AKAP13: variants seen among roughly 807,000 people sequenced by gnomAD.
The protein encoded by AKAP13 is A-kinase anchor protein 13.
In AKAP13, 80 loss-of-function variants were observed where a neutral mutation model predicts 264.5. The observed-to-expected ratio is 0.30, with a 90% CI of 0.25 to 0.36. AKAP13 has a LOEUF of 0.36. Among genes scored for constraint, AKAP13 ranks in the 10% least tolerant of loss-of-function variants. AKAP13 has a pLI of 1.00. For synonymous variants in AKAP13, 1,380 were observed against 1,250.2 expected (o/e 1.10, Z -2.19); for missense variants, 3,712 against 3,435.2 (o/e 1.08, Z -2.01).
intron 2 of AKAP13, among the ~76,000 whole-genome samples, chr15:85,504,876 TCTCTTGCTCTCTCG>T (rs991545039): frequency 1.3e-5 from 2 of 152,074 alleles, no homozygotes; most frequent in African/African-American, 4.8e-5. Flanking sequence ...TCGCTCTCTC[TCTCTTGCTCTCTCG>T]CTCTTGCTCT....
At chr15:85,400,874 ATTTTTTT>A (rs55704204) in intron 1 of AKAP13, among the ~76,000 whole-genome samples, 3 of 120,146 alleles carry the variant, frequency 2.5e-5, no homozygotes, top group African/African-American at 8.4e-5. Flanking sequence ...ATATATATAT[ATTTTTTT>A]TTTTTAAACA....
At position 85,447,738 on chromosome 15, in the gene AKAP13, A is replaced by G. The variant is rs142725020; in HGVS notation, c.-11-37972A>G. Reference sequence around the variant, plus strand: ...ATGGCTATGTAATATTTCAAGATGTATATGTACCACATTTTCTTTATCCAG... The same window carrying G: ...ATGGCTATGTAATATTTCAAGATGTGTATGTACCACATTTTCTTTATCCAG... On this transcript the variant is annotated intron_variant, in intron 1 of 36. Transcript: ENST00000394518. Among the ~76,000 whole-genome samples the G allele has an allele frequency of 2.5e-3, 380 of 152,318 alleles. 3 individuals are homozygous for G. The highest frequency in any genetic ancestry group is 8.7e-3 in the African/African-American group (361 of 41,564).
At chr15:85,736,421 T>TTTGTTTG (rs113137306) in intron 33 of AKAP13, among the ~76,000 whole-genome samples, 8 of 143,452 alleles carry the variant, frequency 5.6e-5, no homozygotes, top group African/African-American at 2.0e-4. Flanking sequence ...CTTGCTGTTT[T>TTTGTTTG]TTTGTTTGTT....
intron 1 of AKAP13, among the ~76,000 whole-genome samples, chr15:85,441,381 A>G (rs2073647271): frequency 6.6e-6 from 1 of 152,082 alleles, no homozygotes; most frequent in African/African-American, 2.4e-5. Context: ...TTCTTTATAT[A>G]TCCTGGATAT....
intron 12 of AKAP13, among the ~76,000 whole-genome samples, chr15:85,663,309 CAAA>C (rs11435393): frequency 2.2e-5 from 3 of 134,750 alleles, no homozygotes; most frequent in African/African-American, 2.8e-5. Context: ...GGCTCTGTCT[CAAA>C]AAAAAAAAAA....
At chr15:85,480,989 TCCTAA>T (rs2151044862) in intron 1 of AKAP13, 1 of 152,326 alleles carries the variant, frequency 6.6e-6, no homozygotes, top group South Asian at 2.1e-4. Flanking sequence ...ACCGCGTCTG[TCCTAA>T]GGAGACACAC....
chr15:85,399,680 C>T (rs1371687041), intron 1 of AKAP13, among the ~76,000 whole-genome samples: 4 of 151,928 alleles, frequency 2.6e-5, no homozygotes, highest in South Asian at 4.2e-4. Flanking sequence ...TCGTTACTGT[C>T]CTCTTAGGTG....
intron 8 of AKAP13, among the ~76,000 whole-genome samples, chr15:85,613,570 A>G (rs1361447399): frequency 6.6e-6 from 1 of 151,188 alleles, no homozygotes; most frequent in Non-Finnish European, 1.5e-5. Context: ...AGTCCCAGCT[A>G]CTCAGGAGGC....
At chr15:85,693,060 C>T (rs75331605) in intron 16 of AKAP13, 16 of 695,300 alleles carry the variant, frequency 2.3e-5, no homozygotes, top group South Asian at 9.2e-5. Context: ...AGAACTGTTC[C>T]GCCTGCCCAG....
rs1222979037 is a variant in AKAP13 at position 85,710,601 on chromosome 15, C to T, written c.5555C>T (p.Ala1852Val). The T allele has an allele frequency of 9.9e-6, 16 of 1,613,888 alleles. No individual in the cohort carries two copies. The highest frequency in any genetic ancestry group is 1.3e-5 in the Non-Finnish European group (15 of 1,179,954). Residue 1852 changes from alanine to valine, a missense_variant, in exon 19 of 37, where the codon GCA becomes GTA. Around this residue, in one of 3 missense-constraint regions of AKAP13, gnomAD observed 2,759 missense variants for 2,411.7 expected, o/e 1.14. Transcript: ENST00000394518. ...TAGCAGCCCAAAGGGAGCCTTCAGGCACATGACACATCATCACTGCCCACG... is the reference window on the plus strand; with the variant it reads ...TAGCAGCCCAAAGGGAGCCTTCAGGTACATGACACATCATCACTGCCCACG... ...KMKQPKGSLQAHDTSSLPTVI... is the reference protein window; with the variant it reads ...KMKQPKGSLQVHDTSSLPTVI...
At chr15:85,496,633 G>A (rs1400431637) in intron 2 of AKAP13, among the ~76,000 whole-genome samples, 1 of 152,200 alleles carries the variant, frequency 6.6e-6, no homozygotes, top group African/African-American at 2.4e-5. Context: ...CCTAGGAAAT[G>A]CATTTCCACA....
At chr15:85,649,838 A>G (rs1307594369) in intron 10 of AKAP13, among the ~76,000 whole-genome samples, 1 of 152,210 alleles carries the variant, frequency 6.6e-6, no homozygotes, top group Non-Finnish European at 1.5e-5. Context: ...AAGTACGATT[A>G]TAAAATATAC....
chr15:85,654,326 C>T (rs2082999559), intron 10 of AKAP13, among the ~76,000 whole-genome samples: 1 of 152,124 alleles, frequency 6.6e-6, no homozygotes, highest in Non-Finnish European at 1.5e-5. Flanking sequence ...CCACAGACTT[C>T]CTTTTGGAAT....
chr15:85,582,427 T>A (rs1025963030), intron 7 of AKAP13, among the ~76,000 whole-genome samples: 1 of 152,218 alleles, frequency 6.6e-6, no homozygotes, highest in African/African-American at 2.4e-5. Flanking sequence ...TGAAAGAATT[T>A]AGCAGATGTT....
At chr15:85,613,712 A>ATATATATATATATATT (rs2080803444) in intron 8 of AKAP13, among the ~76,000 whole-genome samples, 2 of 124,652 alleles carry the variant, frequency 1.6e-5, no homozygotes, top group African/African-American at 6.0e-5. Context: ...ATATATATAT[A>ATATATATATATATATT]TTAGGAGTGC....
intron 34 of AKAP13, among the ~76,000 whole-genome samples, chr15:85,740,748 C>T (rs1488760774): frequency 7.7e-6 from 1 of 129,794 alleles, no homozygotes; most frequent in African/African-American, 3.0e-5. Flanking sequence ...AACCCACCCA[C>T]CCACACAGAC....
At chr15:85,512,922 T>A (rs1204829411) in intron 2 of AKAP13, among the ~76,000 whole-genome samples, 1 of 151,818 alleles carries the variant, frequency 6.6e-6, no homozygotes, top group African/African-American at 2.4e-5. Flanking sequence ...AGTGGTGTGA[T>A]CTCGGCTCAC....
Position 85,383,216 on chromosome 15 carries a change from A to T in AKAP13, c.-12+2418A>T, listed in dbSNP as rs982321369. 3.3e-5 allele frequency among the ~76,000 whole-genome samples: 5 copies of T among 152,146 alleles called. No individual in the cohort carries two copies. The South Asian group carries it at 1.0e-3, about 32-fold the overall frequency. On this transcript the variant is annotated intron_variant, in intron 1 of 36. Transcript: ENST00000394518. ...CCAGTGAAATTATTAAAATTGTTGGACAAATCTAGTCACAACTCTCCCTCC... is the reference window on the plus strand; with the variant it reads ...CCAGTGAAATTATTAAAATTGTTGGTCAAATCTAGTCACAACTCTCCCTCC...
At chr15:85,431,919 A>G (rs2073039912) in intron 1 of AKAP13, among the ~76,000 whole-genome samples, 1 of 152,198 alleles carries the variant, frequency 6.6e-6, no homozygotes, top group African/African-American at 2.4e-5. Flanking sequence ...AAGAAATGTC[A>G]ACAGTGGTAC....
Sources: allele counts gnomAD v4.1 joint callset (sites outside exome capture counted in the v4.1 genomes callset), GRCh38; gene constraint gnomAD v4.1.1; regional missense constraint gnomAD v4.1.1; transcripts MANE v1.5; gene names NCBI Gene and HGNC (gene_info 2026-07-23, HGNC 2026-07-21).